Variants in FBXO38 observed in about 807,000 individuals in gnomAD.
The protein encoded by FBXO38 is F-box protein 38, also known as F-box only protein 38.
A neutral mutation model predicts 131.9 loss-of-function variants in FBXO38; 53 were observed. That is an observed-to-expected ratio of 0.40 (90% CI 0.32 to 0.51). The LOEUF is 0.51. FBXO38 is among the 20% of genes least tolerant of loss of function. The pLI, the probability that FBXO38 is intolerant of heterozygous loss-of-function variation, is 0.53. For missense variants in FBXO38, 1,076 were observed against 1,475.6 expected, an observed-to-expected ratio of 0.73 and a Z score of 4.44; for synonymous variants, 452 against 505.6, an observed-to-expected ratio of 0.89 and a Z score of 1.42.
intron 3 of FBXO38, among the ~76,000 whole-genome samples, chr5:148,401,158 C>G (rs1752130565): frequency 6.6e-6 from 1 of 152,140 alleles, no homozygotes; most frequent in Non-Finnish European, 1.5e-5. Context: ...AATAAGCAGA[C>G]AGTTGGCTTT....
At chr5:148,393,219 G>GTGTGTGTGTGTA (rs1758301826) in intron 1 of FBXO38, among the ~76,000 whole-genome samples, 3 of 151,240 alleles carry the variant, frequency 2.0e-5, no homozygotes, top group African/African-American at 4.9e-5. Context: ...GTGTGTGTGT[G>GTGTGTGTGTGTA]TGTGTGTGTG....
Position 148,427,473 on chromosome 5 carries a change from T to G in FBXO38, c.2179T>G (p.Phe727Val), listed in dbSNP as rs1197780397. The change falls in exon 15 of 22, where the codon TTT becomes GTT. Residue 727 changes from phenylalanine to valine, a missense_variant. By Grantham distance (50) the Phe-to-Val change is conservative. Coordinates refer to ENST00000340253, the MANE Select transcript of FBXO38 (RefSeq NM_205836.3). ...CAACACTGCTTCTCAAAGCCCCGACTTTGTAAGGACGGTGAACAGCGGCGG... is the reference window on the plus strand; with the variant it reads ...CAACACTGCTTCTCAAAGCCCCGACGTTGTAAGGACGGTGAACAGCGGCGG... ...SHNTASQSPD[F>V]VRTVNSGGSS... is the part of the protein sequence containing the mutation. 1 of 1,614,082 alleles carries G rather than the reference T, an allele frequency of 6.2e-7. No individual in the cohort carries two copies. Among genetic ancestry groups the G allele is most frequent in the Non-Finnish European group, 8.5e-7 (1 of 1,180,038 alleles).
At chr5:148,395,468 AAC>A (rs1758431759) in intron 2 of FBXO38, among the ~76,000 whole-genome samples, 1 of 114,242 alleles carries the variant, frequency 8.8e-6, no homozygotes, top group African/African-American at 4.7e-5. Flanking sequence ...GCATTATAAC[AAC>A]TGTTTTTTTT....
Position 148,401,982 on chromosome 5 carries a change from GCTTTACAGATGC to G in FBXO38, c.265_276del (p.Phe89_Ala92del). On this transcript the variant is annotated inframe_deletion and splice_region_variant, in exon 4 of 22. Coordinates refer to ENST00000340253, the MANE Select transcript of FBXO38 (RefSeq NM_205836.3). Reference sequence around the variant, plus strand: ...CTCTAAATACTTCTGAACTTCTCAGGCTTTACAGATGCCAGTTTTCTAACACTATTAAAGAAG... The same window carrying G: ...CTCTAAATACTTCTGAACTTCTCAGGCAGTTTTCTAACACTATTAAAGAAG... 3 of 1,605,212 alleles carry G rather than the reference GCTTTACAGATGC, an allele frequency of 1.9e-6. No individual in the cohort carries two copies. Among genetic ancestry groups the G allele is most frequent in the Non-Finnish European group, 2.6e-6 (3 of 1,173,058 alleles).
At chr5:148,391,487 C>A (rs781594442) in intron 1 of FBXO38, among the ~76,000 whole-genome samples, 3 of 152,088 alleles carry the variant, frequency 2.0e-5, no homozygotes, top group Non-Finnish European at 4.4e-5. Flanking sequence ...AGGCAGTTTT[C>A]TAGGCAAAGT....
At position 148,410,521 on chromosome 5, in the gene FBXO38, C is replaced by T. The variant is rs1030134784; in HGVS notation, c.963-114C>T. The T allele has an allele frequency of 2.6e-5, 33 of 1,251,914 alleles. No individual in the cohort carries two copies. In the Middle Eastern group the frequency reaches 9.5e-4, roughly 36 times the overall value. 77.6% of individuals were successfully genotyped at this position (1,251,914 alleles called of 1,614,324 possible). ...TAAAACCTCTTTTTCTTCCCAGTCT[C>T]AGGTACGTCTTTGTCAGCAGCATAG... On this transcript the variant is annotated intron_variant, in intron 8 of 21. Transcript: ENST00000340253.
intron 15 of FBXO38, among the ~76,000 whole-genome samples, chr5:148,428,625 T>C (rs1753861574): frequency 6.6e-6 from 1 of 152,260 alleles, no homozygotes; most frequent in South Asian, 2.1e-4. Flanking sequence ...TTCCTGCCTT[T>C]ATTATATCAT....
chr5:148,395,226 CTT>C (rs1166204333), intron 2 of FBXO38, among the ~76,000 whole-genome samples: 1 of 152,094 alleles, frequency 6.6e-6, no homozygotes, highest in Non-Finnish European at 1.5e-5. Context: ...GATTTGTTGA[CTT>C]TTGTTACTGC....
Position 148,427,799 on chromosome 5 carries a change from T to C in FBXO38, c.2505T>C (p.Asn835=). The change falls in exon 15 of 22, where the codon AAT becomes AAC. Residue 835 remains asparagine (N), a synonymous_variant. Transcript: ENST00000340253. ...SSGPAHDERT[N]GSGSGATGED... Reference sequence around the variant, plus strand: ...GCCCAGCACATGATGAGAGGACTAATGGGAGTGGCTCTGGGGCTACAGGTG... The same window carrying C: ...GCCCAGCACATGATGAGAGGACTAACGGGAGTGGCTCTGGGGCTACAGGTG... 6.4e-7 allele frequency: 1 copy of C among 1,561,306 alleles called. No individual in the cohort carries two copies. The highest frequency in any genetic ancestry group is 8.8e-7 in the Non-Finnish European group (1 of 1,135,098).
At chr5:148,427,995 A>C in intron 15 of FBXO38, 48 bp downstream of exon 15, 2 of 1,442,038 alleles carry the variant, frequency 1.4e-6, no homozygotes, top group Admixed American at 2.6e-5. Context: ...GGGCTGCAGA[A>C]AGGCATGAAC....
intron 7 of FBXO38, 109 bp downstream of exon 7, chr5:148,406,503 G>A: frequency 1.2e-6 from 1 of 835,938 alleles, no homozygotes; most frequent in Non-Finnish European, 1.8e-6. Context: ...ATGCTCGTCA[G>A]TAACTGCTTT....
chr5:148,406,242 T>G lies in FBXO38; in HGVS notation c.731-15T>G. The G allele has an allele frequency of 6.5e-7, 1 of 1,548,906 alleles. No homozygotes were observed. The highest frequency in any genetic ancestry group is 8.7e-7 in the Non-Finnish European group (1 of 1,152,300). ...ACTTTACATTGTTCTATCAAAGATTTTTTTTTTTTTCCAGGACCCACAAAT... is the reference window on the plus strand; with the variant it reads ...ACTTTACATTGTTCTATCAAAGATTGTTTTTTTTTTCCAGGACCCACAAAT... On this transcript the variant is annotated splice_polypyrimidine_tract_variant and intron_variant, in intron 6 of 21. Coordinates refer to ENST00000340253, the MANE Select transcript of FBXO38 (RefSeq NM_205836.3).
At chr5:148,402,318 T>A in intron 4 of FBXO38, 30 bp from the exon 5 acceptor site, 1 of 1,581,386 alleles carries the variant, frequency 6.3e-7, no homozygotes, top group Non-Finnish European at 8.6e-7. Context: ...TAAAGTCTTT[T>A]CTTATGCTTG....
intron 13 of FBXO38, among the ~76,000 whole-genome samples, chr5:148,425,098 T>C (rs1403167306): frequency 6.6e-6 from 1 of 152,226 alleles, no homozygotes; most frequent in Non-Finnish European, 1.5e-5. Context: ...GTCCCATATG[T>C]TTCTGAGTTC....
rs757976225 is a variant in FBXO38 at position 148,427,690 on chromosome 5, C to G, written c.2396C>G (p.Thr799Ser). 1.2e-6 allele frequency: 2 copies of G among 1,614,096 alleles called. No individual in the cohort carries two copies. Among genetic ancestry groups the G allele is most frequent in the African/African-American group, 2.7e-5 (2 of 74,950 alleles). Reference sequence around the variant, plus strand: ...TGTTCTGATGAGGAACGTCCTTCAACCAGCCGAGCCTGTGTTGTGAATGGC... The same window carrying G: ...TGTTCTGATGAGGAACGTCCTTCAAGCAGCCGAGCCTGTGTTGTGAATGGC... ...SRCSDEERPS[T>S]SRACVVNGPD... Residue 799 changes from threonine (T) to serine (S), a missense_variant, in exon 15 of 22, where the codon ACC (threonine) becomes AGC (serine). Physicochemically the swap from Thr to Ser is moderately conservative, Grantham distance 58. This residue lies in a region of FBXO38 where 213 missense variants were observed against 225.2 expected (regional missense o/e 0.95). Transcript: ENST00000340253.
intron 12 of FBXO38, among the ~76,000 whole-genome samples, chr5:148,423,058 T>C (rs911452172): frequency 2.0e-5 from 3 of 152,370 alleles, no homozygotes; most frequent in South Asian, 2.1e-4. Flanking sequence ...TGTCACCTTA[T>C]TTCAGTGAAC....
intron 5 of FBXO38, 162 bp downstream of exon 5, chr5:148,402,675 A>C: frequency 1.8e-6 from 1 of 564,804 alleles, no homozygotes. Flanking sequence ...TTTCCCATTA[A>C]AGATCCACTG....
At chr5:148,392,919 G>A (rs1758277476) in intron 1 of FBXO38, among the ~76,000 whole-genome samples, 1 of 152,050 alleles carries the variant, frequency 6.6e-6, no homozygotes, top group Non-Finnish European at 1.5e-5. Context: ...TTTGGAGGAG[G>A]CAGGGCAGTA....
intron 1 of FBXO38, among the ~76,000 whole-genome samples, chr5:148,393,188 G>GGGTGTGTGT (rs1420907423): frequency 1.6e-5 from 2 of 127,036 alleles, no homozygotes; most frequent in African/African-American, 6.1e-5. Flanking sequence ...ACAGAAGAGG[G>GGGTGTGTGT]GTGTGTGTGT....
Sources: gnomAD v4.1 joint callset for allele counts (sites outside exome capture counted in the v4.1 genomes callset) on GRCh38, gnomAD v4.1.1 for gene constraint, gnomAD v4.1.1 regional missense constraint, MANE v1.5 for transcripts, NCBI Gene and HGNC (gene_info 2026-07-23, HGNC 2026-07-21) for gene names.